Variants in EXT1 observed in about 807,000 individuals in gnomAD.
EXT1 encodes the protein exostosin glycosyltransferase 1.
A neutral mutation model predicts 82.5 loss-of-function variants in EXT1; 20 were observed. The observed-to-expected ratio is 0.24, with a 90% CI of 0.17 to 0.35. The LOEUF is 0.35. EXT1 is among the 10% of genes least tolerant of loss of function. The pLI, the probability that EXT1 is intolerant of heterozygous loss-of-function variation, is 1.00. For missense variants in EXT1, 757 were observed against 936.5 expected, an observed-to-expected ratio of 0.81 and a Z score of 2.50; for synonymous variants, 348 against 350.8, an observed-to-expected ratio of 0.99 and a Z score of 0.09.
intron 1 of EXT1, among the ~76,000 whole-genome samples, chr8:118,012,128 T>C (rs1401281021): frequency 6.6e-6 from 1 of 152,184 alleles, no homozygotes; most frequent in Non-Finnish European, 1.5e-5. Context: ...CATTTACTAA[T>C]AAAGGAAAAC....
intron 1 of EXT1, among the ~76,000 whole-genome samples, chr8:118,058,359 T>G (rs1450694887): frequency 6.6e-6 from 1 of 152,148 alleles, no homozygotes; most frequent in Non-Finnish European, 1.5e-5. Flanking sequence ...AGCTCACACT[T>G]TGGCAAAGAG....
chr8:118,057,428 G>A lies in EXT1; in HGVS notation c.962+52657C>T, dbSNP rs565959226. Among the ~76,000 whole-genome samples the A allele has an allele frequency of 5.9e-5, 9 of 151,970 alleles. No individual in the cohort carries two copies. The East Asian group carries it at 1.4e-3, about 23-fold the overall frequency. On this transcript the variant is annotated intron_variant, in intron 1 of 10. Coordinates refer to ENST00000378204, the MANE Select transcript of EXT1 (RefSeq NM_000127.3). ...TGATGGCTGATGCCATAATCCCAGC[G>A]ACTCAGAGGGCTGAGGCAAGGGAAT...
At chr8:118,040,868 A>G (rs949264225) in intron 1 of EXT1, among the ~76,000 whole-genome samples, 3 of 152,046 alleles carry the variant, frequency 2.0e-5, no homozygotes, top group Non-Finnish European at 4.4e-5. Context: ...TAAATTTCCA[A>G]CTCTAGGGTC....
intron 1 of EXT1, among the ~76,000 whole-genome samples, chr8:117,870,578 T>C (rs1812850940): frequency 6.6e-6 from 1 of 150,426 alleles, no homozygotes; most frequent in Admixed American, 6.6e-5. Context: ...TACCCTAGAG[T>C]GAATTGTGGA....
At chr8:118,095,093 T>C (rs1817586256) in intron 1 of EXT1, among the ~76,000 whole-genome samples, 1 of 152,146 alleles carries the variant, frequency 6.6e-6, no homozygotes, top group Non-Finnish European at 1.5e-5. Flanking sequence ...TGAGGAAAAC[T>C]GAGGCCCAAA....
intron 1 of EXT1, among the ~76,000 whole-genome samples, chr8:117,922,322 T>C: frequency 6.6e-6 from 1 of 152,172 alleles, no homozygotes; most frequent in South Asian, 2.1e-4. Context: ...ACAAAAACCC[T>C]GGCAATTTGC....
intron 1 of EXT1, among the ~76,000 whole-genome samples, chr8:117,914,629 C>T (rs1207910826): frequency 1.3e-5 from 2 of 152,120 alleles, no homozygotes; most frequent in African/African-American, 2.4e-5. Context: ...CTATAAACGG[C>T]CGCTCTGGGA....
chr8:117,953,425 T>C (rs1346455301), intron 1 of EXT1, among the ~76,000 whole-genome samples: 1 of 151,814 alleles, frequency 6.6e-6, no homozygotes, highest in East Asian at 1.9e-4. Flanking sequence ...TTCTTAGCAC[T>C]GTGAGCCCCA....
intron 1 of EXT1, among the ~76,000 whole-genome samples, chr8:118,069,100 G>C (rs958218033): frequency 6.6e-6 from 1 of 152,186 alleles, no homozygotes; most frequent in African/African-American, 2.4e-5. Context: ...GCTTGGACTA[G>C]CTGGAGGAAG....
intron 1 of EXT1, among the ~76,000 whole-genome samples, chr8:118,066,025 T>C (rs1421377778): frequency 6.6e-6 from 1 of 152,212 alleles, no homozygotes; most frequent in Non-Finnish European, 1.5e-5. Flanking sequence ...CAGTACTATC[T>C]TAAAAGTTCT....
chr8:118,071,453 A>T (rs983864262), intron 1 of EXT1, among the ~76,000 whole-genome samples: 2 of 151,986 alleles, frequency 1.3e-5, no homozygotes, highest in African/African-American at 4.8e-5. Context: ...TCCATGACGG[A>T]AAGAGACAGC....
chr8:117,855,695 G>A (rs1812534721), intron 1 of EXT1, among the ~76,000 whole-genome samples: 1 of 152,180 alleles, frequency 6.6e-6, no homozygotes, highest in Non-Finnish European at 1.5e-5. Flanking sequence ...TAGAGACGGA[G>A]TCTCACACTG....
intron 1 of EXT1, among the ~76,000 whole-genome samples, chr8:117,950,537 G>A (rs564737705): frequency 6.6e-6 from 1 of 152,204 alleles, no homozygotes; most frequent in African/African-American, 2.4e-5. Flanking sequence ...ACCTTTACTT[G>A]GTCAAGATAG....
rs1330178272 is a variant in EXT1 at position 117,968,545 on chromosome 8, ATTTATTTATTTTTTTTTTTTTTTTTTT to A, written c.963-131371_963-131345del. On this transcript the variant is annotated intron_variant, in intron 1 of 10. Coordinates refer to ENST00000378204, the MANE Select transcript of EXT1 (RefSeq NM_000127.3). Reference sequence around the variant, plus strand: ...TTCTGCCTTATTTATTTATTTATTTATTTATTTATTTTTTTTTTTTTTTTTTTTTTTTTTTTTTTTTTGAGACGGAGT... The same window carrying A: ...TTCTGCCTTATTTATTTATTTATTTATTTTTTTTTTTTTTTGAGACGGAGT... Among the ~76,000 whole-genome samples the A allele has an allele frequency of 6.2e-4, 45 of 73,034 alleles. 5 individuals carry two copies. The highest frequency in any genetic ancestry group is 1.1e-3 in the Admixed American group (8 of 7,520). The allele number at this position is 73,034 out of a possible 152,430, so 47.9% of individuals were successfully genotyped here.
At chr8:117,835,980 G>A (rs527369990) in intron 2 of EXT1, among the ~76,000 whole-genome samples, 8 of 152,296 alleles carry the variant, frequency 5.3e-5, no homozygotes, top group East Asian at 3.9e-4. Context: ...AATGTCATGA[G>A]CAACAAAGAG....
chr8:117,978,737 T>C (rs1235905048), intron 1 of EXT1, among the ~76,000 whole-genome samples: 2 of 152,198 alleles, frequency 1.3e-5, no homozygotes, highest in Admixed American at 6.5e-5. Context: ...CACCAGAACA[T>C]AGACTCCACA....
At chr8:118,046,423 A>G (rs17454008) in intron 1 of EXT1, among the ~76,000 whole-genome samples, 1 of 152,168 alleles carries the variant, frequency 6.6e-6, no homozygotes, top group Non-Finnish European at 1.5e-5. Context: ...CTAACTCGTC[A>G]TGTCTCTCAT....
intron 4 of EXT1, among the ~76,000 whole-genome samples, chr8:117,826,180 A>T (rs1431018072): frequency 6.6e-6 from 1 of 152,232 alleles, no homozygotes; most frequent in African/African-American, 2.4e-5. Context: ...GGAAAAACTA[A>T]AAGAATCCTA....
intron 1 of EXT1, among the ~76,000 whole-genome samples, chr8:117,873,421 T>C (rs1812908365): frequency 6.6e-6 from 1 of 150,864 alleles, no homozygotes; most frequent in African/African-American, 2.4e-5. Flanking sequence ...TTAGCAAGTA[T>C]GGTTAAGACC....
Sources: gnomAD v4.1 joint callset for allele counts (sites outside exome capture counted in the v4.1 genomes callset) on GRCh38, gnomAD v4.1.1 for gene constraint, MANE v1.5 for transcripts, NCBI Gene and HGNC (gene_info 2026-07-23, HGNC 2026-07-21) for gene names.